CPD: variants seen among roughly 807,000 people sequenced by gnomAD.
The protein encoded by CPD is metallocarboxypeptidase D.
CPD carries 69 observed loss-of-function variants against 138.3 expected under a neutral mutation model. The observed-to-expected ratio is 0.50, with a 90% CI of 0.41 to 0.61. The LOEUF (loss-of-function observed/expected upper bound fraction) is 0.61. Among genes scored for constraint, CPD ranks in the 20% least tolerant of loss-of-function variants. The probability of loss-of-function intolerance (pLI) is 0.00; values close to 1 mark genes in which losing one functional copy is unlikely to be tolerated. For synonymous variants in CPD, 651 were observed against 642.1 expected, an observed-to-expected ratio of 1.01 and a Z score of -0.21; for missense variants, 1,432 against 1,733.3, an observed-to-expected ratio of 0.83 and a Z score of 3.09.
intron 2 of CPD, among the ~76,000 whole-genome samples, chr17:30,419,308 C>G (rs924267332): frequency 6.6e-6 from 1 of 152,118 alleles, no homozygotes; most frequent in African/African-American, 2.4e-5. Context: ...CATGTTCTCT[C>G]CCTGCCTTTT....
At position 30,449,680 on chromosome 17, in the gene CPD, A is replaced by C; in HGVS notation, c.3001A>C (p.Thr1001Pro). ...AGIHGNAPVG[T>P]ELLLALAEFL... ...TATCCATGGAAATGCGCCAGTTGGA[A>C]CTGAACTGCTTTTGGCTCTGGCAGA... Residue 1001 changes from threonine (T) to proline (P), a missense_variant, in exon 13 of 21, where the codon ACT becomes CCT. Physicochemically the swap from Thr to Pro is conservative, Grantham distance 38. This residue lies in a region of CPD where 366 missense variants were observed against 518.8 expected (regional missense o/e 0.71). Transcript: ENST00000225719. The C allele has an allele frequency of 1.9e-6, 3 of 1,605,686 alleles. No homozygotes were observed. The highest frequency in any genetic ancestry group is 1.7e-6 in the Non-Finnish European group (2 of 1,178,036).
chr17:30,404,245 G>A (rs1370780142), intron 2 of CPD, among the ~76,000 whole-genome samples: 2 of 151,960 alleles, frequency 1.3e-5, no homozygotes, highest in Non-Finnish European at 2.9e-5. Context: ...TTTTAAAAAG[G>A]CTTTAAAGCA....
chr17:30,444,461 A>G (rs1176061336), intron 11 of CPD, among the ~76,000 whole-genome samples: 1 of 151,802 alleles, frequency 6.6e-6, no homozygotes, highest in Non-Finnish European at 1.5e-5. Context: ...CGTTCTTTTA[A>G]TTTGCTAAAT....
chr17:30,388,825 G>A (rs1253564950), intron 2 of CPD, among the ~76,000 whole-genome samples: 1 of 152,188 alleles, frequency 6.6e-6, no homozygotes, highest in Non-Finnish European at 1.5e-5. Context: ...GGAGTGGCCC[G>A]GAGCTGATTG....
chr17:30,386,106 T>C (rs1911179023), intron 2 of CPD, among the ~76,000 whole-genome samples: 1 of 152,144 alleles, frequency 6.6e-6, no homozygotes, highest in Non-Finnish European at 1.5e-5. Flanking sequence ...CATAGCTCAC[T>C]GTAATCACAA....
In CPD at chr17:30,378,933, A is replaced by C; in HGVS notation, c.-48A>C. 2 of 1,405,986 alleles carry C rather than the reference A, an allele frequency of 1.4e-6. No homozygotes were observed. Among genetic ancestry groups the C allele is most frequent in the East Asian group, 2.9e-5 (1 of 34,022 alleles). The allele number at this position is 1,405,986 out of a possible 1,614,324, so 87.1% of individuals were successfully genotyped here. On this transcript the variant is annotated 5_prime_UTR_variant, in exon 1 of 21. Transcript: ENST00000225719. ...GATCCGGCGGGCCCCCGCCGCCCGG[A>C]GCGCTGAGCCGCGGGAGCGGAGCCG... is the stretch of plus-strand genomic sequence containing the variant.
intron 2 of CPD, among the ~76,000 whole-genome samples, chr17:30,410,497 T>A (rs1437526892): frequency 6.6e-6 from 1 of 152,194 alleles, no homozygotes; most frequent in Non-Finnish European, 1.5e-5. Flanking sequence ...AGCCTAAGTC[T>A]CTTTGTAGGT....
chr17:30,455,071 T>G (rs889660450), intron 14 of CPD: 3 of 243,614 alleles, frequency 1.2e-5, no homozygotes, highest in African/African-American at 4.5e-5. Context: ...ATATGCTTAT[T>G]CTTTTTGTTT....
chr17:30,442,287 A>C, intron 9 of CPD, 21 bp from the exon 10 acceptor site: 1 of 1,608,350 alleles, frequency 6.2e-7, no homozygotes, highest in Non-Finnish European at 8.5e-7. Flanking sequence ...AGAGTGACTA[A>C]TTTTAATTTT....
At position 30,379,488 on chromosome 17, in the gene CPD, C is replaced by T; in HGVS notation, c.508C>T (p.Leu170=). ...YRRGDPRLVR[L]LNTTDVYLLP... ...CCGCGGGGACCCGCGCCTGGTCCGCCTGCTCAACACCACCGACGTGTACCT... is the reference window on the plus strand; with the variant it reads ...CCGCGGGGACCCGCGCCTGGTCCGCTTGCTCAACACCACCGACGTGTACCT... The change falls in exon 1 of 21, where the codon CTG becomes TTG. Residue 170 remains leucine (L), a synonymous_variant. Coordinates refer to ENST00000225719, the MANE Select transcript of CPD (RefSeq NM_001304.5). This position sits in a 1 kb window ranked among gnomAD's most constrained non-coding sequence, Gnocchi z 7.0. 2 of 1,573,318 alleles carry T rather than the reference C, an allele frequency of 1.3e-6. No homozygotes were observed. Among genetic ancestry groups the T allele is most frequent in the African/African-American group, 1.4e-5 (1 of 70,742 alleles).
intron 2 of CPD, among the ~76,000 whole-genome samples, chr17:30,419,464 C>T (rs1055213342): frequency 6.6e-6 from 1 of 152,096 alleles, no homozygotes; most frequent in African/African-American, 2.4e-5. Flanking sequence ...CTCAGCCTCC[C>T]GAGTAGCTGG....
intron 2 of CPD, among the ~76,000 whole-genome samples, chr17:30,416,469 A>C (rs1395507365): frequency 6.6e-6 from 1 of 152,250 alleles, no homozygotes; most frequent in Admixed American, 6.5e-5. Context: ...ACAAAAACCA[A>C]ATCCCTCCTG....
At chr17:30,439,118 C>T (rs1467372357) in intron 9 of CPD, 41 bp downstream of exon 9, 3 of 1,105,144 alleles carry the variant, frequency 2.7e-6, no homozygotes. Flanking sequence ...ACTTGATGGC[C>T]TTTCTGCTTT....
At chr17:30,417,607 A>G (rs562674455) in intron 2 of CPD, among the ~76,000 whole-genome samples, 1 of 152,040 alleles carries the variant, frequency 6.6e-6, no homozygotes, top group African/African-American at 2.4e-5. Flanking sequence ...AACTCCCACT[A>G]TCTATCAGAT....
chr17:30,407,331 A>C (rs1014226719), intron 2 of CPD, among the ~76,000 whole-genome samples: 2 of 152,210 alleles, frequency 1.3e-5, no homozygotes, highest in Non-Finnish European at 2.9e-5. Flanking sequence ...GTATATACCC[A>C]GTAATAGGAT....
In CPD at chr17:30,465,746, A is replaced by G. The variant is rs1254749401; in HGVS notation, c.*932A>G. 6.6e-6 allele frequency: 1 copy of G among 152,628 alleles called. No individual in the cohort carries two copies. The highest frequency in any genetic ancestry group is 2.4e-5 in the African/African-American group (1 of 41,440). 9.5% of individuals were successfully genotyped at this position (152,628 alleles called of 1,614,324 possible). On this transcript the variant is annotated 3_prime_UTR_variant, in exon 21 of 21. Coordinates refer to ENST00000225719, the MANE Select transcript of CPD (RefSeq NM_001304.5). ...TGACCCAGCCATCTACAAGATCTGA[A>G]TTCTACTGAAAATATCTAGAAATGT...
At chr17:30,402,552 C>T (rs886804418) in intron 2 of CPD, among the ~76,000 whole-genome samples, 3 of 152,122 alleles carry the variant, frequency 2.0e-5, no homozygotes, top group East Asian at 1.9e-4. Flanking sequence ...GGTGACAGAG[C>T]GAGACTCTGT....
At chr17:30,397,089 G>T (rs961426488) in intron 2 of CPD, among the ~76,000 whole-genome samples, 4 of 152,040 alleles carry the variant, frequency 2.6e-5, no homozygotes, top group African/African-American at 9.6e-5. Context: ...TACTTTAATG[G>T]TTAAACAGTA....
intron 2 of CPD, among the ~76,000 whole-genome samples, chr17:30,399,801 C>A (rs1418290952): frequency 1.3e-5 from 2 of 151,974 alleles, no homozygotes; most frequent in African/African-American, 4.8e-5. Context: ...ACCAGCCTGG[C>A]CAAAATGGTG....
Sources: allele counts gnomAD v4.1 joint callset (sites outside exome capture counted in the v4.1 genomes callset), GRCh38; gene constraint gnomAD v4.1.1; regional missense constraint gnomAD v4.1.1; non-coding constraint Gnocchi (gnomAD v3.1); transcripts MANE v1.5; gene names NCBI Gene and HGNC (gene_info 2026-07-23, HGNC 2026-07-21).